Variants in PCDHGA1 observed in about 807,000 individuals in gnomAD.
PCDHGA1 encodes the protein protocadherin gamma subfamily A, 1.
A neutral mutation model predicts 58.0 loss-of-function variants in PCDHGA1; 32 were observed. The observed-to-expected ratio is 0.55, with a 90% confidence interval of 0.42 to 0.74. The LOEUF (loss-of-function observed/expected upper bound fraction) is 0.74, where lower values mean the gene tolerates loss of function less well. Ranked by LOEUF, PCDHGA1 falls within the 30% of genes least tolerant of loss-of-function variation. The pLI is 0.00. For synonymous variants in PCDHGA1, 498 were observed against 501.1 expected, an observed-to-expected ratio of 0.99 and a Z score of 0.08; for missense variants, 1,205 against 1,182.3, an observed-to-expected ratio of 1.02 and a Z score of -0.28.
intron 1 of PCDHGA1, chr5:141,355,191 C>G: frequency 6.3e-7 from 1 of 1,591,882 alleles, no homozygotes; most frequent in East Asian, 2.2e-5. Flanking sequence ...GACTCCGCGG[C>G]GGGGTTGTAA....
In PCDHGA1 at chr5:141,512,839, C is replaced by T. The variant is rs141207714; in HGVS notation, c.*1666C>T. ...GACCCCCTCCCCCGTACTGACTTCTCCTATAAGCGCTTCTCTTCGCATAGT... is the reference window on the plus strand; with the variant it reads ...GACCCCCTCCCCCGTACTGACTTCTTCTATAAGCGCTTCTCTTCGCATAGT... On this transcript the variant is annotated 3_prime_UTR_variant, in exon 4 of 4. Transcript: ENST00000517417. 278 of 152,216 alleles carry T rather than the reference C, an allele frequency of 1.8e-3. 2 individuals are homozygous for T. Among genetic ancestry groups the T allele is most frequent in the Middle Eastern group, 0.01 (3 of 292 alleles). 9.4% of individuals were successfully genotyped at this position (152,216 alleles called of 1,614,324 possible). A position where few individuals can be genotyped will look rare whatever the true frequency, so the allele number is the denominator to read the frequency against.
chr5:141,382,961 G>A (rs749724133), intron 1 of PCDHGA1: 14 of 1,607,564 alleles, frequency 8.7e-6, no homozygotes, highest in Non-Finnish European at 1.2e-5. Flanking sequence ...ATCCTCCTGG[G>A]GACCCCCTGG....
intron 1 of PCDHGA1, chr5:141,356,265 A>T: frequency 1.3e-6 from 2 of 1,564,982 alleles, no homozygotes; most frequent in Non-Finnish European, 8.7e-7. Context: ...TCACCAGCTC[A>T]GTCCAGGAAT....
chr5:141,393,169 T>C lies in PCDHGA1; in HGVS notation c.2421+60064T>C, dbSNP rs113280752. 2,582 of 1,613,090 alleles carry C rather than the reference T, an allele frequency of 1.6e-3. 1 individual carries two copies. The highest frequency in any genetic ancestry group is 1.9e-3 in the Non-Finnish European group (2,191 of 1,179,870). On this transcript the variant is annotated intron_variant, in intron 1 of 3. Coordinates refer to ENST00000517417, the MANE Select transcript of PCDHGA1 (RefSeq NM_018912.3). ...GAGGATAAAGGAAAACTCTTTGGGGTAGAAATAGAAATAATTGATATTAAC... is the reference window on the plus strand; with the variant it reads ...GAGGATAAAGGAAAACTCTTTGGGGCAGAAATAGAAATAATTGATATTAAC...
At position 141,355,717 on chromosome 5, in the gene PCDHGA1, A is replaced by G. The variant is rs531471033; in HGVS notation, c.2421+22612A>G. On this transcript the variant is annotated intron_variant, in intron 1 of 3. Coordinates refer to ENST00000517417, the MANE Select transcript of PCDHGA1 (RefSeq NM_018912.3). The stretch of plus-strand genomic sequence containing the variant: ...AAACTCCCTGCAGGGTTACCAGCTC[A>G]ACTCAAACGGTTACTTTTCCCTGGA... 3.0e-5 allele frequency: 49 copies of G among 1,614,020 alleles called. No individual in the cohort carries two copies. The highest frequency in any genetic ancestry group is 1.3e-4 in the Admixed American group (8 of 60,030).
intron 1 of PCDHGA1, chr5:141,340,509 TA>T (rs1269078460): frequency 6.2e-7 from 1 of 1,614,044 alleles, no homozygotes; most frequent in Non-Finnish European, 8.5e-7. Flanking sequence ...GACACTGGAG[TA>T]CTCTATGCAC....
At chr5:141,467,699 T>A (rs1368755814) in intron 1 of PCDHGA1, among the ~76,000 whole-genome samples, 1 of 152,194 alleles carries the variant, frequency 6.6e-6, no homozygotes, top group Non-Finnish European at 1.5e-5. Context: ...TCTGGCTCTG[T>A]TGCCCAGGCT....
In PCDHGA1 at chr5:141,372,016, C is replaced by T. The variant is rs565981965; in HGVS notation, c.2421+38911C>T. 121 of 1,613,374 alleles carry T rather than the reference C, an allele frequency of 7.5e-5. 1 individual carries two copies. The South Asian group carries it at 1.3e-3, about 17-fold the overall frequency. On this transcript the variant is annotated intron_variant, in intron 1 of 3. Coordinates refer to ENST00000517417, the MANE Select transcript of PCDHGA1 (RefSeq NM_018912.3). Reference sequence around the variant, plus strand: ...CAGGCCCGCGACCAGGGCTCGCCTACGCTCAGCGCCAACGTGAGCCTGCGC... The same window carrying T: ...CAGGCCCGCGACCAGGGCTCGCCTATGCTCAGCGCCAACGTGAGCCTGCGC...
chr5:141,505,320 C>G, intron 2 of PCDHGA1, 73 bp from the exon 3 acceptor site: 2 of 1,605,358 alleles, frequency 1.2e-6, no homozygotes, highest in Non-Finnish European at 1.7e-6. Context: ...TTTGGGAGCC[C>G]TGGGAGAGGA....
rs1233075886 is a variant in PCDHGA1 at position 141,332,624 on chromosome 5, A to G, written c.1940A>G (p.Gln647Arg). The G allele has an allele frequency of 4.3e-6, 7 of 1,612,796 alleles. No homozygotes were observed. The highest frequency in any genetic ancestry group is 5.9e-6 in the Non-Finnish European group (7 of 1,179,776). Residue 647 changes from glutamine to arginine, a missense_variant, in exon 1 of 4, where the codon CAG becomes CGG. Gln to Arg is a conservative substitution (Grantham distance 43). Coordinates refer to ENST00000517417, the MANE Select transcript of PCDHGA1 (RefSeq NM_018912.3). The surrounding 1 kb of genome is among the most constrained non-coding windows in gnomAD (Gnocchi z 4.6). ...AAGCAGAGTCTCGTGGTGGCCGTCC[A>G]GGACCACGGCCAGCCCCCGCTCTCC... The part of the protein sequence containing the change: ...ALKQSLVVAV[Q>R]DHGQPPLSAT...
chr5:141,372,270 G>T, intron 1 of PCDHGA1: 1 of 1,613,182 alleles, frequency 6.2e-7, no homozygotes, highest in Non-Finnish European at 8.5e-7. Context: ...CACGGGTGAG[G>T]TGCGCACGGC....
chr5:141,375,981 T>A, intron 1 of PCDHGA1: 1 of 1,613,410 alleles, frequency 6.2e-7, no homozygotes, highest in Non-Finnish European at 8.5e-7. Flanking sequence ...CGCGCCCTGC[T>A]GGACAGAGAC....
chr5:141,352,692 A>T, intron 1 of PCDHGA1: 1 of 1,558,284 alleles, frequency 6.4e-7, no homozygotes, highest in Non-Finnish European at 8.7e-7. Flanking sequence ...AAATCTAGTT[A>T]AATTTTATAT....
intron 2 of PCDHGA1, among the ~76,000 whole-genome samples, chr5:141,501,838 G>C (rs888418141): frequency 6.6e-6 from 1 of 152,000 alleles, no homozygotes; most frequent in African/African-American, 2.4e-5. Flanking sequence ...CACCTGTTTG[G>C]CCCTCAACCT....
At chr5:141,339,589 T>C (rs1341412719) in intron 1 of PCDHGA1, 2 of 1,614,184 alleles carry the variant, frequency 1.2e-6, no homozygotes, top group Admixed American at 3.3e-5. Flanking sequence ...AGGAAGAGGC[T>C]GTTCACCACC....
Position 141,330,764 on chromosome 5 carries a change from G to C in PCDHGA1, c.80G>C (p.Gly27Ala), listed in dbSNP as rs1435140351. The C allele has an allele frequency of 1.2e-6, 2 of 1,614,068 alleles. No homozygotes were observed. The highest frequency in any genetic ancestry group is 1.1e-5 in the South Asian group (1 of 91,090). Residue 27 changes from glycine to alanine, a missense_variant, in exon 1 of 4, where the codon GGG (glycine) becomes GCG (alanine). Physicochemically the swap from Gly to Ala is moderately conservative, Grantham distance 60. Transcript: ENST00000517417. ...TCTCTGGAGCTGCTGTTGGAAGCTGGGGCTGGGAATATTCACTACTCAGTG... is the reference window on the plus strand; with the variant it reads ...TCTCTGGAGCTGCTGTTGGAAGCTGCGGCTGGGAATATTCACTACTCAGTG... ...CLSLELLLEA[G>A]AGNIHYSVPE... is the part of the protein sequence containing the mutation.
intron 1 of PCDHGA1, chr5:141,355,974 C>T: frequency 1.2e-6 from 2 of 1,613,872 alleles, no homozygotes; most frequent in East Asian, 2.2e-5. Context: ...TTCCTGTAGG[C>T]ACTCGGCTAC....
At chr5:141,441,775 A>G (rs1005757857) in intron 1 of PCDHGA1, 27 of 388,638 alleles carry the variant, frequency 6.9e-5, no homozygotes, top group Admixed American at 5.4e-4. Context: ...GTGTTGGTGG[A>G]CGACCTGAAT....
rs576484406 is a variant in PCDHGA1, at chr5:141,344,997, C to T, written c.2421+11892C>T. The T allele has an allele frequency of 6.8e-6, 11 of 1,613,934 alleles. No individual in the cohort carries two copies. The African/African-American group carries it at 1.5e-4, about 22-fold the overall frequency. On this transcript the variant is annotated intron_variant, in intron 1 of 3. Coordinates refer to ENST00000517417, the MANE Select transcript of PCDHGA1 (RefSeq NM_018912.3). Reference sequence around the variant, plus strand: ...GTTCTATGAAATTAAAATTGAAGCACAGGATGGACCAGGTCTTCTTTCAAG... The same window carrying T: ...GTTCTATGAAATTAAAATTGAAGCATAGGATGGACCAGGTCTTCTTTCAAG...
Sources: gnomAD v4.1 joint callset for allele counts (sites outside exome capture counted in the v4.1 genomes callset) on GRCh38, gnomAD v4.1.1 for gene constraint, Gnocchi (gnomAD v3.1) non-coding constraint, MANE v1.5 for transcripts, NCBI Gene and HGNC (gene_info 2026-07-23, HGNC 2026-07-21) for gene names.